Variants in GARRE1 observed in about 807,000 individuals in gnomAD.
GARRE1 encodes the protein granule associated Rac and RHOG effector 1.
GARRE1 carries 49 observed loss-of-function variants against 103.2 expected under a neutral mutation model. That is an observed-to-expected ratio of 0.47 (90% CI 0.38 to 0.60). GARRE1 has a LOEUF of 0.60. Ranked by LOEUF, GARRE1 falls within the 20% of genes least tolerant of loss-of-function variation. GARRE1 has a pLI of 0.00. For missense variants in GARRE1, 1,199 were observed against 1,370.5 expected (o/e 0.87, Z 1.98); for synonymous variants, 505 against 532.8 (o/e 0.95, Z 0.72).
At chr19:34,330,415 G>A (rs1660533010) in intron 7 of GARRE1, 68 bp downstream of exon 7, 3 of 1,462,278 alleles carry the variant, frequency 2.1e-6, no homozygotes, top group Admixed American at 3.6e-5. Flanking sequence ...AGGATGTGGT[G>A]CAGACACATG....
intron 2 of GARRE1, among the ~76,000 whole-genome samples, chr19:34,318,740 C>T (rs547487206): frequency 1.3e-5 from 2 of 152,138 alleles, no homozygotes; most frequent in South Asian, 2.1e-4. Flanking sequence ...AGTTTTTGCC[C>T]TGTGTTAAAG....
At chr19:34,328,897 C>T (rs1052011891) in intron 6 of GARRE1, among the ~76,000 whole-genome samples, 12 of 152,166 alleles carry the variant, frequency 7.9e-5, no homozygotes, top group East Asian at 1.9e-4. Context: ...CATGAGCCAC[C>T]GACCTGGGCC....
At chr19:34,308,071 T>A (rs1021635066) in intron 2 of GARRE1, among the ~76,000 whole-genome samples, 18 of 151,652 alleles carry the variant, frequency 1.2e-4, no homozygotes, top group African/African-American at 4.1e-4. Context: ...TATCTGTGAG[T>A]GCTGACTGAC....
At chr19:34,330,024 G>A (rs949802071) in intron 6 of GARRE1, among the ~76,000 whole-genome samples, 165 bp from the exon 7 acceptor site, 6 of 152,200 alleles carry the variant, frequency 3.9e-5, no homozygotes, top group African/African-American at 1.4e-4. Context: ...GGTCTAGGCT[G>A]CAGTGAGCCA....
At chr19:34,344,746 T>TA (rs1464265306) in intron 10 of GARRE1, among the ~76,000 whole-genome samples, 1 of 151,662 alleles carries the variant, frequency 6.6e-6, no homozygotes, top group Non-Finnish European at 1.5e-5. Flanking sequence ...GATCCCCACT[T>TA]ACTTGCAACC....
chr19:34,307,401 T>TG (rs1322852477), intron 2 of GARRE1, among the ~76,000 whole-genome samples: 1 of 152,042 alleles, frequency 6.6e-6, no homozygotes, highest in African/African-American at 2.4e-5. Flanking sequence ...AGGGCAGCCA[T>TG]GGGGCTCCCA....
chr19:34,287,136 C>CA (rs34541474), intron 1 of GARRE1, among the ~76,000 whole-genome samples: 2,601 of 98,710 alleles, frequency 0.026, 109 homozygotes, highest in African/African-American at 0.11. Context: ...AAGACTGTCT[C>CA]AAAAAAAAAA....
chr19:34,298,197 C>G (rs926885480), intron 1 of GARRE1, among the ~76,000 whole-genome samples: 6 of 152,250 alleles, frequency 3.9e-5, no homozygotes, highest in African/African-American at 1.4e-4. Context: ...GGGAGGATCA[C>G]TTGAGCTCAG....
intron 10 of GARRE1, among the ~76,000 whole-genome samples, chr19:34,345,003 T>C (rs1348052154): frequency 6.6e-6 from 1 of 152,168 alleles, no homozygotes; most frequent in Non-Finnish European, 1.5e-5. Context: ...CATGCCCAAC[T>C]AATTTTTTGT....
chr19:34,328,538 A>AG (rs1310019422), intron 6 of GARRE1, among the ~76,000 whole-genome samples: 1 of 152,050 alleles, frequency 6.6e-6, no homozygotes, highest in African/African-American at 2.4e-5. Flanking sequence ...AAAAAAAAAA[A>AG]AAAAAAATTA....
intron 1 of GARRE1, among the ~76,000 whole-genome samples, chr19:34,282,232 A>G (rs1414590508): frequency 7.3e-6 from 1 of 136,872 alleles, no homozygotes; most frequent in Non-Finnish European, 1.6e-5. Flanking sequence ...GCTCACTGCA[A>G]CCTCCGCCTC....
At chr19:34,330,423 A>C in intron 7 of GARRE1, 76 bp downstream of exon 7, 1 of 1,348,642 alleles carries the variant, frequency 7.4e-7, no homozygotes, top group Non-Finnish European at 1.0e-6. Flanking sequence ...GTGCAGACAC[A>C]TGTGTGAAAA....
intron 2 of GARRE1, among the ~76,000 whole-genome samples, chr19:34,304,851 G>C (rs766523857): frequency 6.6e-6 from 1 of 151,444 alleles, no homozygotes; most frequent in African/African-American, 2.4e-5. Flanking sequence ...GAGTGCAGTG[G>C]CGTGATCTCG....
intron 9 of GARRE1, among the ~76,000 whole-genome samples, chr19:34,340,502 A>G (rs936314719): frequency 8.1e-6 from 1 of 122,842 alleles, no homozygotes; most frequent in African/African-American, 3.0e-5. Context: ...TGGTCTTGTC[A>G]TCTTGTCTTT....
At chr19:34,264,422 G>A (rs1182081950) in intron 1 of GARRE1, among the ~76,000 whole-genome samples, 1 of 151,598 alleles carries the variant, frequency 6.6e-6, no homozygotes, top group East Asian at 1.9e-4. Context: ...AGGGGGGGAC[G>A]GAGTCTTGCT....
At position 34,299,986 on chromosome 19, in the gene GARRE1, G is replaced by C. The variant is rs906555947; in HGVS notation, c.-488G>C. ...GCAGAAGTTTGATCTTCCTTCTTAA[G>C]GACTTTGTGTGAAGTAATTCTTTAC... is the stretch of plus-strand genomic sequence containing the variant. On this transcript the variant is annotated 5_prime_UTR_variant, in exon 2 of 14. Transcript: ENST00000299505. 3.3e-5 allele frequency: 5 copies of C among 152,730 alleles called. No homozygotes were observed. The South Asian group carries it at 1.0e-3, about 32-fold the overall frequency. The allele number at this position is 152,730 out of a possible 1,614,324, so 9.5% of individuals were successfully genotyped here. A position where few individuals can be genotyped will look rare whatever the true frequency, so the allele number is the denominator to read the frequency against.
At chr19:34,304,965 T>C (rs1179365868) in intron 2 of GARRE1, among the ~76,000 whole-genome samples, 1 of 151,962 alleles carries the variant, frequency 6.6e-6, no homozygotes, top group Non-Finnish European at 1.5e-5. Context: ...CTAATTTTTT[T>C]GTATTTTTAG....
intron 3 of GARRE1, among the ~76,000 whole-genome samples, chr19:34,322,896 A>AT (rs1386251729): frequency 6.6e-6 from 1 of 151,696 alleles, no homozygotes; most frequent in African/African-American, 2.4e-5. Flanking sequence ...CCAAAAGATA[A>AT]TTTTTTTAAA....
rs994330352 is a variant in GARRE1, at chr19:34,256,093, C to T, written c.-796+1479C>T. ...ACCTCAGGTGATCCGCCTGGCTCGGCGTTCCAAAGTGCTGGGATTATAGGC... is the reference window on the plus strand; with the variant it reads ...ACCTCAGGTGATCCGCCTGGCTCGGTGTTCCAAAGTGCTGGGATTATAGGC... On this transcript the variant is annotated intron_variant, in intron 1 of 13. Transcript: ENST00000299505. Among the ~76,000 whole-genome samples the T allele has an allele frequency of 5.3e-5, 8 of 151,850 alleles. No homozygotes were observed. In the South Asian group the frequency reaches 8.3e-4, roughly 16 times the overall value.
Sources: gnomAD v4.1 joint callset for allele counts (sites outside exome capture counted in the v4.1 genomes callset) on GRCh38, gnomAD v4.1.1 for gene constraint, MANE v1.5 for transcripts, NCBI Gene and HGNC (gene_info 2026-07-23, HGNC 2026-07-21) for gene names.